SLC25A37: variants seen among roughly 807,000 people sequenced by gnomAD.
The protein encoded by SLC25A37 is solute carrier family 25 member 37.
SLC25A37 carries 17 observed loss-of-function variants against 31.0 expected under a neutral mutation model. That is an observed-to-expected ratio of 0.55 (90% CI 0.38 to 0.82). The LOEUF (loss-of-function observed/expected upper bound fraction) is 0.82. Ranked by LOEUF, SLC25A37 falls within the 40% of genes least tolerant of loss-of-function variation. The pLI is 0.00. For missense variants in SLC25A37, 404 were observed against 465.8 expected (o/e 0.87, Z 1.22); for synonymous variants, 222 against 193.0 (o/e 1.15, Z -1.24).
intron 1 of SLC25A37, among the ~76,000 whole-genome samples, chr8:23,540,823 C>G (rs552575447): frequency 6.6e-6 from 1 of 152,286 alleles, no homozygotes; most frequent in South Asian, 2.1e-4. Context: ...CCTGCCTCCC[C>G]TGGCAGGTCC....
At chr8:23,547,560 A>G (rs983940548) in intron 1 of SLC25A37, among the ~76,000 whole-genome samples, 1 of 152,212 alleles carries the variant, frequency 6.6e-6, no homozygotes, top group Non-Finnish European at 1.5e-5. Flanking sequence ...TTCACAGGGC[A>G]GTGTAACTTT....
chr8:23,546,550 TATA>T (rs1802055718), intron 1 of SLC25A37, among the ~76,000 whole-genome samples: 1 of 15,306 alleles, frequency 6.5e-5, no homozygotes, highest in South Asian at 2.4e-3. Flanking sequence ...TATATATATA[TATA>T]GTGTATATAT....
chr8:23,556,554 A>G (rs539728337), intron 1 of SLC25A37, among the ~76,000 whole-genome samples: 2 of 151,912 alleles, frequency 1.3e-5, no homozygotes, highest in East Asian at 3.9e-4. Flanking sequence ...AAAAACATAC[A>G]TATATGTATA....
chr8:23,556,750 G>A (rs1245893701), intron 1 of SLC25A37, among the ~76,000 whole-genome samples: 1 of 152,124 alleles, frequency 6.6e-6, no homozygotes, highest in Admixed American at 6.6e-5. Flanking sequence ...TAGGGATAAA[G>A]TTAGTTATAC....
At chr8:23,535,736 T>C (rs1038255920) in intron 1 of SLC25A37, among the ~76,000 whole-genome samples, 6 of 152,140 alleles carry the variant, frequency 3.9e-5, no homozygotes, top group Non-Finnish European at 8.8e-5. Flanking sequence ...CTCACAATCA[T>C]GGCAGAAGGC....
At chr8:23,541,334 A>T (rs1260735463) in intron 1 of SLC25A37, 1 of 152,294 alleles carries the variant, frequency 6.6e-6, no homozygotes, top group Non-Finnish European at 1.5e-5. Flanking sequence ...CACCAGGCAG[A>T]TGAGTCTGGG....
chr8:23,538,279 G>A (rs1335322658), intron 1 of SLC25A37, among the ~76,000 whole-genome samples: 1 of 150,884 alleles, frequency 6.6e-6, no homozygotes, highest in African/African-American at 2.4e-5. Flanking sequence ...TACTTGGGAG[G>A]CTGAGGAAGG....
At chr8:23,557,063 C>T in intron 1 of SLC25A37, among the ~76,000 whole-genome samples, 1 of 152,152 alleles carries the variant, frequency 6.6e-6, no homozygotes. Flanking sequence ...GTTGGCCAGG[C>T]TGGTCTCGAA....
In SLC25A37 at chr8:23,555,028, T is replaced by G. The variant is rs56754348; in HGVS notation, c.211-11080T>G. Among the ~76,000 whole-genome samples the G allele has an allele frequency of 3.8e-3, 579 of 152,238 alleles. 3 individuals are homozygous for G. The highest frequency in any genetic ancestry group is 0.013 in the African/African-American group (548 of 41,548). ...TTGCATGGTCTAGCCCCACCCTACC[T>G]TTCTTCCAGCAAACAATAATTGATC... On this transcript the variant is annotated intron_variant, in intron 1 of 3. Transcript: ENST00000519973.
rs376354247 is a variant in SLC25A37, at chr8:23,564,731, C to G, written c.211-1377C>G. ...CTTTGGTTGAAGACCTTCCTTGGGTCCTAGCAGACAGAAACCAGGAGAGAC... is the reference window on the plus strand; with the variant it reads ...CTTTGGTTGAAGACCTTCCTTGGGTGCTAGCAGACAGAAACCAGGAGAGAC... On this transcript the variant is annotated intron_variant, in intron 1 of 3. Coordinates refer to ENST00000519973, the MANE Select transcript of SLC25A37 (RefSeq NM_016612.4). Among the ~76,000 whole-genome samples, 7 of 152,056 alleles carry G rather than the reference C, an allele frequency of 4.6e-5. No individual in the cohort carries two copies. In the East Asian group the frequency reaches 1.2e-3, roughly 25 times the overall value.
rs1801619159 is a variant in SLC25A37, at chr8:23,529,446, G to T, written c.210+234G>T. Among the ~76,000 whole-genome samples the T allele has an allele frequency of 6.6e-6, 1 of 151,802 alleles. No homozygotes were observed. Among genetic ancestry groups the T allele is most frequent in the Non-Finnish European group, 1.5e-5 (1 of 67,914 alleles). ...CCGCACCGCCCGCTGCTCCAGCCGC[G>T]TGCCCGGCCCCGGCTGCTGGCGGCG... On this transcript the variant is annotated intron_variant, in intron 1 of 3. Coordinates refer to ENST00000519973, the MANE Select transcript of SLC25A37 (RefSeq NM_016612.4). This position sits in a 1 kb window ranked among gnomAD's most constrained non-coding sequence, Gnocchi z 4.1.
intron 1 of SLC25A37, among the ~76,000 whole-genome samples, chr8:23,547,220 T>C (rs1436638380): frequency 2.0e-5 from 3 of 151,822 alleles, no homozygotes; most frequent in Non-Finnish European, 4.4e-5. Context: ...GTAGCTCGAG[T>C]GTAAGGGAGG....
chr8:23,571,811 T>C lies in SLC25A37; in HGVS notation c.973T>C (p.Tyr325His). ...ISWSVYEFFK[Y>H]FLTKRQLENR... ...TTGGTCTGTCTATGAGTTCTTCAAGTACTTTCTCACCAAGCGCCAGCTGGA... is the reference window on the plus strand; with the variant it reads ...TTGGTCTGTCTATGAGTTCTTCAAGCACTTTCTCACCAAGCGCCAGCTGGA... The change falls in exon 4 of 4, where the codon TAC becomes CAC. Residue 325 changes from tyrosine (Y) to histidine (H), a missense_variant. By Grantham distance (83) the Tyr-to-His change is moderately conservative. Transcript: ENST00000519973. 3 of 1,613,046 alleles carry C rather than the reference T, an allele frequency of 1.9e-6. No homozygotes were observed. The highest frequency in any genetic ancestry group is 1.7e-5 in the Admixed American group (1 of 60,020).
intron 2 of SLC25A37, 97 bp from the exon 3 acceptor site, chr8:23,568,225 A>G (rs750941446): frequency 7.3e-7 from 1 of 1,367,436 alleles, no homozygotes; most frequent in Non-Finnish European, 1.0e-6. Context: ...TTTGCTTCTT[A>G]GAAAGCTAAG....
At chr8:23,530,382 T>G (rs1801640401) in intron 1 of SLC25A37, among the ~76,000 whole-genome samples, 1 of 152,232 alleles carries the variant, frequency 6.6e-6, no homozygotes, top group African/African-American at 2.4e-5. Flanking sequence ...CTGATGCTGG[T>G]CCTGCATGAG....
At chr8:23,546,573 T>C (rs1278674878) in intron 1 of SLC25A37, among the ~76,000 whole-genome samples, 3 of 54,890 alleles carry the variant, frequency 5.5e-5, no homozygotes, top group Non-Finnish European at 9.1e-5. Flanking sequence ...TATATATATA[T>C]ATATATATAG....
In SLC25A37 at chr8:23,571,887, C is replaced by A; in HGVS notation, c.*32C>A. On this transcript the variant is annotated 3_prime_UTR_variant, in exon 4 of 4. Transcript: ENST00000519973. Reference sequence around the variant, plus strand: ...GGATCATAGAATCTTTTCTTAAAGTCATTCTCTGCCTGCATCCAGCCCCTT... The same window carrying A: ...GGATCATAGAATCTTTTCTTAAAGTAATTCTCTGCCTGCATCCAGCCCCTT... 2 of 1,595,452 alleles carry A rather than the reference C, an allele frequency of 1.3e-6. No homozygotes were observed. Among genetic ancestry groups the A allele is most frequent in the South Asian group, 2.2e-5 (2 of 89,432 alleles).
chr8:23,569,282 G>T (rs994026284), intron 3 of SLC25A37, among the ~76,000 whole-genome samples: 3 of 152,066 alleles, frequency 2.0e-5, no homozygotes, highest in Non-Finnish European at 4.4e-5. Context: ...GAAAACAAAG[G>T]CTAATTCTCA....
In SLC25A37 at chr8:23,571,589, G is replaced by A. The variant is rs770182704; in HGVS notation, c.751G>A (p.Ala251Thr). 7.4e-6 allele frequency: 12 copies of A among 1,613,804 alleles called. No individual in the cohort carries two copies. The highest frequency in any genetic ancestry group is 1.1e-5 in the South Asian group (1 of 91,066). ...GGLAGALAAAATTPLDVCKTL... is the reference protein window; with the variant it reads ...GGLAGALAAATTTPLDVCKTL... ...GCTGGCCGGGGCCCTCGCCGCGGCC[G>A]CCACGACCCCCCTGGACGTCTGTAA... Residue 251 changes from alanine to threonine, a missense_variant, in exon 4 of 4, where the codon GCC becomes ACC. This residue lies in a region of SLC25A37 where 243 missense variants were observed against 284.4 expected (regional missense o/e 0.85). Transcript: ENST00000519973.
Sources: gnomAD v4.1 joint callset for allele counts (sites outside exome capture counted in the v4.1 genomes callset) on GRCh38, gnomAD v4.1.1 for gene constraint, gnomAD v4.1.1 regional missense constraint, Gnocchi (gnomAD v3.1) non-coding constraint, MANE v1.5 for transcripts, NCBI Gene and HGNC (gene_info 2026-07-23, HGNC 2026-07-21) for gene names.